PRKCE: variants seen among roughly 807,000 people sequenced by gnomAD.
PRKCE encodes the protein protein kinase C epsilon.
In PRKCE, 16 loss-of-function variants were observed where a neutral mutation model predicts 85.4. The observed-to-expected ratio is 0.19, with a 90% confidence interval of 0.13 to 0.28. The LOEUF (loss-of-function observed/expected upper bound fraction) is 0.28, where lower values mean the gene tolerates loss of function less well. Among genes scored for constraint, PRKCE ranks in the 10% least tolerant of loss-of-function variants. PRKCE has a pLI of 1.00. For synonymous variants in PRKCE, 388 were observed against 371.5 expected (o/e 1.04, Z -0.51); for missense variants, 573 against 975.2 (o/e 0.59, Z 5.49).
chr2:45,812,714 C>A (rs192096095), intron 1 of PRKCE, among the ~76,000 whole-genome samples: 1 of 152,082 alleles, frequency 6.6e-6, no homozygotes, highest in Non-Finnish European at 1.5e-5. Context: ...AGGTTAGGAC[C>A]CTTAAATGTG....
chr2:45,849,545 C>T (rs956391368), intron 2 of PRKCE, among the ~76,000 whole-genome samples: 2 of 152,136 alleles, frequency 1.3e-5, no homozygotes, highest in African/African-American at 2.4e-5. Flanking sequence ...TAAGGAGAGC[C>T]TCCAGCTTCC....
intron 11 of PRKCE, among the ~76,000 whole-genome samples, chr2:46,097,236 C>T (rs939743706): frequency 6.6e-5 from 10 of 152,144 alleles, no homozygotes; most frequent in African/African-American, 2.2e-4. Context: ...GCTGCAAAGT[C>T]GGCAGGGTGC....
chr2:45,689,081 C>T (rs1171817863), intron 1 of PRKCE, among the ~76,000 whole-genome samples: 1 of 152,096 alleles, frequency 6.6e-6, no homozygotes, highest in Non-Finnish European at 1.5e-5. Context: ...AAGCAAACCT[C>T]ATAAAAGAAG....
chr2:45,998,147 A>T (rs1378363715), intron 6 of PRKCE, among the ~76,000 whole-genome samples: 2 of 152,146 alleles, frequency 1.3e-5, no homozygotes, highest in Admixed American at 1.3e-4. Flanking sequence ...TTGTTGATAG[A>T]TGTCAGTTAT....
chr2:46,017,164 C>G (rs1423344425), intron 10 of PRKCE, among the ~76,000 whole-genome samples: 1 of 152,104 alleles, frequency 6.6e-6, no homozygotes. Flanking sequence ...CTCCATGCCT[C>G]TTTTCACCTT....
intron 2 of PRKCE, among the ~76,000 whole-genome samples, chr2:45,870,440 C>A (rs1694000182): frequency 6.6e-6 from 1 of 152,198 alleles, no homozygotes; most frequent in Non-Finnish European, 1.5e-5. Flanking sequence ...CCTCTTTATA[C>A]TCAGTCATTG....
intron 1 of PRKCE, among the ~76,000 whole-genome samples, chr2:45,748,352 C>T (rs1055769682): frequency 2.0e-5 from 3 of 152,226 alleles, no homozygotes; most frequent in East Asian, 1.9e-4. Flanking sequence ...CAGGATGTGA[C>T]GTCAAGCCTG....
chr2:45,869,706 C>T (rs76847944), intron 2 of PRKCE, among the ~76,000 whole-genome samples: 15,375 of 109,474 alleles, frequency 0.14, 1,454 homozygotes, highest in East Asian at 0.34. Flanking sequence ...TTCTCTCTCT[C>T]TTTTTTTTTT....
intron 1 of PRKCE, among the ~76,000 whole-genome samples, chr2:45,823,824 G>C (rs746079218): frequency 3.3e-5 from 5 of 152,254 alleles, no homozygotes; most frequent in African/African-American, 7.2e-5. Context: ...AGGCATCTGA[G>C]AGGCATGTGC....
chr2:46,141,087 T>C (rs1389758935), intron 11 of PRKCE, among the ~76,000 whole-genome samples: 1 of 152,180 alleles, frequency 6.6e-6, no homozygotes, highest in Non-Finnish European at 1.5e-5. Context: ...TTTGGCAACA[T>C]CCATCAAAAT....
At chr2:45,671,705 C>T (rs1258138953) in intron 1 of PRKCE, among the ~76,000 whole-genome samples, 1 of 151,992 alleles carries the variant, frequency 6.6e-6, no homozygotes, top group Admixed American at 6.6e-5. Flanking sequence ...AAGAGATATT[C>T]ATTAAATCTT....
chr2:45,773,158 A>G (rs1400349377), intron 1 of PRKCE, among the ~76,000 whole-genome samples: 4 of 152,166 alleles, frequency 2.6e-5, no homozygotes, highest in Non-Finnish European at 5.9e-5. Flanking sequence ...TCATAAACCC[A>G]AGAAGATCCA....
At chr2:45,925,380 T>C (rs1698536314) in intron 2 of PRKCE, among the ~76,000 whole-genome samples, 1 of 152,114 alleles carries the variant, frequency 6.6e-6, no homozygotes, top group Non-Finnish European at 1.5e-5. Flanking sequence ...CCCTGCAAAC[T>C]CCACCTCCCA....
At chr2:45,954,713 C>G (rs992697749) in intron 2 of PRKCE, among the ~76,000 whole-genome samples, 1 of 152,158 alleles carries the variant, frequency 6.6e-6, no homozygotes, top group African/African-American at 2.4e-5. Context: ...TACAAGGAAA[C>G]AATTACTGTC....
At chr2:46,181,475 C>T (rs1377481428) in intron 14 of PRKCE, among the ~76,000 whole-genome samples, 1 of 152,184 alleles carries the variant, frequency 6.6e-6, no homozygotes, top group Non-Finnish European at 1.5e-5. Context: ...TCTGGAACCT[C>T]AAGAATCTCA....
chr2:45,857,024 A>G (rs1453363980), intron 2 of PRKCE, among the ~76,000 whole-genome samples: 1 of 152,188 alleles, frequency 6.6e-6, no homozygotes, highest in Non-Finnish European at 1.5e-5. Flanking sequence ...GAGTGTGCAG[A>G]TGTCTCTTTG....
At chr2:46,061,950 G>T (rs867275688) in intron 10 of PRKCE, among the ~76,000 whole-genome samples, 1 of 143,714 alleles carries the variant, frequency 7.0e-6, no homozygotes, top group Admixed American at 7.2e-5. Flanking sequence ...TCCGCCTCCC[G>T]GGTTCGGGTT....
intron 1 of PRKCE, among the ~76,000 whole-genome samples, chr2:45,699,587 A>C (rs1678447871): frequency 6.6e-6 from 1 of 152,196 alleles, no homozygotes. Context: ...GTCACTGTAG[A>C]CATGGCTCTG....
intron 11 of PRKCE, among the ~76,000 whole-genome samples, chr2:46,104,602 C>G (rs1246348250): frequency 2.0e-5 from 3 of 152,146 alleles, no homozygotes; most frequent in South Asian, 4.2e-4. Context: ...TATTAAGAGG[C>G]TAAATTAGAG....
Sources: allele counts gnomAD v4.1 joint callset (sites outside exome capture counted in the v4.1 genomes callset), GRCh38; gene constraint gnomAD v4.1.1; transcripts MANE v1.5; gene names NCBI Gene and HGNC (gene_info 2026-07-23, HGNC 2026-07-21).